The following MEGF6 variants were observed in gnomAD, a reference collection of about 807,000 sequenced individuals.
The protein encoded by MEGF6 is multiple epidermal growth factor-like domains protein 6.
MEGF6 carries 184 observed loss-of-function variants against 207.1 expected under a neutral mutation model. That is an observed-to-expected ratio of 0.89 (90% CI 0.79 to 1.00). MEGF6 has a LOEUF of 1.00. Ranked by LOEUF, MEGF6 falls within the 50% of genes least tolerant of loss-of-function variation. The probability of loss-of-function intolerance (pLI) is 0.00; values close to 1 mark genes in which losing one functional copy is unlikely to be tolerated. For synonymous variants in MEGF6, 1,038 were observed against 910.0 expected (o/e 1.14, Z -2.53); for missense variants, 2,282 against 2,202.9 (o/e 1.04, Z -0.72).
rs892896772 is a variant in MEGF6 at position 3,572,792 on chromosome 1, G to T, written c.481+7033C>A. Among the ~76,000 whole-genome samples the T allele has an allele frequency of 3.4e-5, 5 of 147,810 alleles. 1 individual carries two copies. Among genetic ancestry groups the T allele is most frequent in the African/African-American group, 1.3e-4 (5 of 39,856 alleles). ...CTCCTGCGTATGCTGGGTCCTTCCT[G>T]GGTGTGCTGGGTCCTCCCTGTGTGT... On this transcript the variant is annotated intron_variant, in intron 4 of 36. Coordinates refer to ENST00000356575, the MANE Select transcript of MEGF6 (RefSeq NM_001409.4).
the MEGF6 span, among the ~76,000 whole-genome samples, chr1:3,621,253 T>C: frequency 2.0e-5 from 3 of 152,198 alleles, no homozygotes; most frequent in Non-Finnish European, 4.4e-5. Context: ...GCTTTTCCCT[T>C]GGCACTGACG....
chr1:3,499,447 G>C, intron 23 of MEGF6, 141 bp downstream of exon 23: 1 of 1,416,106 alleles, frequency 7.1e-7, no homozygotes, highest in East Asian at 2.5e-5. Flanking sequence ...CAACGCTCTG[G>C]CCCGAGTGAG....
chr1:3,604,277 A>T (rs1644208509), intron 1 of MEGF6, among the ~76,000 whole-genome samples: 1 of 152,104 alleles, frequency 6.6e-6, no homozygotes, highest in South Asian at 2.1e-4. Context: ...AGGCTTGCCC[A>T]CCCGAGGTAG....
At chr1:3,501,363 C>G in intron 18 of MEGF6, 55 bp from the exon 19 acceptor site, 1 of 1,546,310 alleles carries the variant, frequency 6.5e-7, no homozygotes. Context: ...CTCAACACAT[C>G]AACATAACAT....
At chr1:3,587,876 C>A (rs76788106) in intron 3 of MEGF6, among the ~76,000 whole-genome samples, 9 of 5,272 alleles carry the variant, frequency 1.7e-3, no homozygotes, top group Admixed American at 4.5e-3. Flanking sequence ...ACAGGAGTGG[C>A]CAGGAGTGGC....
Position 3,505,849 on chromosome 1 carries a change from C to A in MEGF6, c.1918+259G>T, listed in dbSNP as rs561090469. Reference sequence around the variant, plus strand: ...GGCCTGGCCCTGCCCTCATCTGCAGCCCTACCACCCATCAAGGCTGGGAGG... The same window carrying A: ...GGCCTGGCCCTGCCCTCATCTGCAGACCTACCACCCATCAAGGCTGGGAGG... On this transcript the variant is annotated intron_variant, in intron 15 of 36. Coordinates refer to ENST00000356575, the MANE Select transcript of MEGF6 (RefSeq NM_001409.4). 4.6e-5 allele frequency among the ~76,000 whole-genome samples: 7 copies of A among 152,360 alleles called. 1 individual carries two copies. The highest frequency in any genetic ancestry group is 1.7e-4 in the African/African-American group (7 of 41,572).
intron 4 of MEGF6, among the ~76,000 whole-genome samples, chr1:3,532,674 A>G (rs1277412714): frequency 2.6e-5 from 4 of 152,258 alleles, no homozygotes; most frequent in African/African-American, 7.2e-5. Context: ...GACTGGGGCC[A>G]CTGCAGAGAC....
intron 1 of MEGF6, 102 bp downstream of exon 1, chr1:3,611,036 G>T: frequency 7.5e-7 from 1 of 1,326,284 alleles, no homozygotes; most frequent in Non-Finnish European, 9.7e-7. Context: ...CATTGTTCTG[G>T]AGCCCCAGGG....
chr1:3,506,486 T>G (rs1222698875), intron 14 of MEGF6, among the ~76,000 whole-genome samples: 1 of 152,096 alleles, frequency 6.6e-6, no homozygotes, highest in African/African-American at 2.4e-5. Context: ...ACTGGAGAGA[T>G]GCACAAAGCT....
intron 21 of MEGF6, 49 bp downstream of exon 21, chr1:3,500,584 C>T (rs371852968): frequency 9.2e-6 from 14 of 1,519,544 alleles, no homozygotes; most frequent in Admixed American, 4.1e-5. Context: ...CATATGTGTG[C>T]GTGTGCGCAC....
At chr1:3,584,439 C>A (rs1175646091) in intron 3 of MEGF6, among the ~76,000 whole-genome samples, 3 of 152,218 alleles carry the variant, frequency 2.0e-5, no homozygotes, top group Non-Finnish European at 2.9e-5. Context: ...GGGGTGACCA[C>A]CAGGCGGATC....
Position 3,531,700 on chromosome 1 carries a change from C to T in MEGF6, c.482-7454G>A, listed in dbSNP as rs1369345824. On this transcript the variant is annotated intron_variant, in intron 4 of 36. Coordinates refer to ENST00000356575, the MANE Select transcript of MEGF6 (RefSeq NM_001409.4). ...TGCAAACATGCACACAGGAGGTACACAGACACGCACGGACATACGCACAGG... is the reference window on the plus strand; with the variant it reads ...TGCAAACATGCACACAGGAGGTACATAGACACGCACGGACATACGCACAGG... 2.0e-5 allele frequency among the ~76,000 whole-genome samples: 3 copies of T among 152,194 alleles called. No homozygotes were observed. The East Asian group carries it at 5.8e-4, about 29-fold the overall frequency.
chr1:3,568,810 C>G (rs1195662321), intron 4 of MEGF6, among the ~76,000 whole-genome samples: 3 of 152,268 alleles, frequency 2.0e-5, no homozygotes, highest in Admixed American at 2.0e-4. Context: ...AGGTTTGCCC[C>G]TCTGCTCCCT....
At chr1:3,611,093 G>A in intron 1 of MEGF6, 45 bp downstream of exon 1, 2 of 1,433,044 alleles carry the variant, frequency 1.4e-6, no homozygotes, top group Non-Finnish European at 1.8e-6. Context: ...GAGGCCCCGG[G>A]GTCCCTGGAC....
In MEGF6 at chr1:3,489,293, G is replaced by A. The variant is rs1640258098; in HGVS notation, c.*1235C>T. 6.6e-6 allele frequency among the ~76,000 whole-genome samples: 1 copy of A among 152,206 alleles called. No individual in the cohort carries two copies. ...CTGCTGGTGAAATTGTCTGCCCTGG[G>A]GCCTCAGCTACCTTGGCTGGTTTTA... On this transcript the variant is annotated 3_prime_UTR_variant, in exon 37 of 37. Transcript: ENST00000356575.
intron 4 of MEGF6, among the ~76,000 whole-genome samples, chr1:3,527,135 G>A (rs749962044): frequency 2.8e-4 from 43 of 152,194 alleles, no homozygotes; most frequent in Admixed American, 9.8e-4. Flanking sequence ...ACCACCCTCC[G>A]GTTCCCACCC....
chr1:3,511,416 G>T, intron 9 of MEGF6, 134 bp downstream of exon 9: 1 of 1,164,550 alleles, frequency 8.6e-7, no homozygotes, highest in Non-Finnish European at 1.2e-6. Context: ...CCCCGCCAGG[G>T]CCCAGGCAGC....
chr1:3,578,977 T>C (rs2821053), intron 4 of MEGF6, among the ~76,000 whole-genome samples: 112,542 of 142,116 alleles, frequency 0.79, 45,161 homozygotes, highest in Middle Eastern at 0.9. Context: ...CTCGAATCGC[T>C]TCCTGCTGCC....
intron 36 of MEGF6, 135 bp from the exon 37 acceptor site, chr1:3,490,724 C>T: frequency 8.7e-7 from 1 of 1,151,436 alleles, no homozygotes; most frequent in Non-Finnish European, 1.2e-6. Context: ...GGGGCCCACC[C>T]ATCCTTCCCA....
Sources: allele counts gnomAD v4.1 joint callset (sites outside exome capture counted in the v4.1 genomes callset), GRCh38; gene constraint gnomAD v4.1.1; transcripts MANE v1.5; gene names NCBI Gene and HGNC (gene_info 2026-07-23, HGNC 2026-07-21).